The following LRP12 variants were observed in gnomAD, a reference collection of about 807,000 sequenced individuals.
LRP12 encodes the protein LDL receptor related protein 12.
LRP12 carries 14 observed loss-of-function variants against 66.0 expected under a neutral mutation model. The observed-to-expected ratio is 0.21, with a 90% CI of 0.14 to 0.33. LRP12 has a LOEUF of 0.33. Among genes scored for constraint, LRP12 ranks in the 10% least tolerant of loss-of-function variants. The probability of loss-of-function intolerance (pLI) is 1.00; values close to 1 mark genes in which losing one functional copy is unlikely to be tolerated. For synonymous variants in LRP12, 357 were observed against 359.1 expected, an observed-to-expected ratio of 0.99 and a Z score of 0.07; for missense variants, 889 against 1,053.4, an observed-to-expected ratio of 0.84 and a Z score of 2.16.
At chr8:104,524,908 G>C (rs1811207419) in intron 2 of LRP12, among the ~76,000 whole-genome samples, 1 of 151,996 alleles carries the variant, frequency 6.6e-6, no homozygotes, top group Non-Finnish European at 1.5e-5. Context: ...GTTTAAAGTA[G>C]ATATATTTTA....
At chr8:104,587,181 A>G (rs1812346957) in intron 1 of LRP12, among the ~76,000 whole-genome samples, 1 of 152,208 alleles carries the variant, frequency 6.6e-6, no homozygotes, top group Admixed American at 6.5e-5. Context: ...CTGATCGGAC[A>G]TCACAGAAAT....
chr8:104,534,068 C>CAA (rs35546158), intron 1 of LRP12, among the ~76,000 whole-genome samples: 12,714 of 135,736 alleles, frequency 0.094, 643 homozygotes, highest in African/African-American at 0.14. Flanking sequence ...TTTATAATAG[C>CAA]AAAAAAAAAA....
In LRP12 at chr8:104,497,994, A is replaced by G. The variant is rs1357715653; in HGVS notation, c.558T>C (p.Asn186=). ...AACTATCTCCACATTCATCCATGTT[A>G]TTACATTTCCAGGCTTCTGGTATAC... ...GKCIPEAWKC[N]NMDECGDSSD... is the part of the protein sequence containing the mutation. Residue 186 remains asparagine, a synonymous_variant, in exon 5 of 7, where the codon AAT becomes AAC. Coordinates refer to ENST00000276654, the MANE Select transcript of LRP12 (RefSeq NM_013437.5). This position sits in a 1 kb window ranked among gnomAD's most constrained non-coding sequence, Gnocchi z 4.3. The G allele has an allele frequency of 3.7e-6, 6 of 1,614,206 alleles. No homozygotes were observed. Among genetic ancestry groups the G allele is most frequent in the Non-Finnish European group, 4.2e-6 (5 of 1,180,024 alleles).
In LRP12 at chr8:104,509,185, C is replaced by A. The variant is rs1810956386; in HGVS notation, c.137-111G>T. ...AAAACTTTACACATCAAATAATAACCAATAAGATATGGTAGTATCAACTTT... is the reference window on the plus strand; with the variant it reads ...AAAACTTTACACATCAAATAATAACAAATAAGATATGGTAGTATCAACTTT... On this transcript the variant is annotated intron_variant, in intron 2 of 6. Coordinates refer to ENST00000276654, the MANE Select transcript of LRP12 (RefSeq NM_013437.5). 2.0e-5 allele frequency: 17 copies of A among 840,850 alleles called. No individual in the cohort carries two copies. In the South Asian group the frequency reaches 3.1e-4, roughly 15 times the overall value. 52.1% of individuals were successfully genotyped at this position (840,850 alleles called of 1,614,324 possible).
chr8:104,536,419 T>C (rs1010837915), intron 1 of LRP12, among the ~76,000 whole-genome samples: 8 of 151,984 alleles, frequency 5.3e-5, no homozygotes, highest in African/African-American at 1.9e-4. Flanking sequence ...CTATATTCCT[T>C]ACTAGATCTT....
At chr8:104,493,830 A>G (rs1412079592) in intron 6 of LRP12, among the ~76,000 whole-genome samples, 5 of 152,214 alleles carry the variant, frequency 3.3e-5, no homozygotes. Flanking sequence ...TCCTGCCTCT[A>G]TGGGGAAAGG....
intron 1 of LRP12, among the ~76,000 whole-genome samples, chr8:104,546,922 ATAAT>A (rs1811570204): frequency 6.9e-6 from 1 of 144,744 alleles, no homozygotes; most frequent in South Asian, 2.1e-4. Flanking sequence ...ATAATTATAT[ATAAT>A]TATATATTAT....
intron 2 of LRP12, among the ~76,000 whole-genome samples, chr8:104,518,931 T>A (rs7813227): frequency 0.031 from 4,658 of 152,036 alleles, 239 homozygotes; most frequent in African/African-American, 0.11. Context: ...AAAGCATGCA[T>A]GTTCAGCATA....
At chr8:104,565,676 C>T (rs1382269034) in intron 1 of LRP12, among the ~76,000 whole-genome samples, 1 of 151,876 alleles carries the variant, frequency 6.6e-6, no homozygotes, top group African/African-American at 2.4e-5. Context: ...CTGGCTAACA[C>T]GGTGAAACTC....
chr8:104,500,295 A>G (rs574081607), intron 3 of LRP12, among the ~76,000 whole-genome samples: 1 of 152,368 alleles, frequency 6.6e-6, no homozygotes, highest in African/African-American at 2.4e-5. Flanking sequence ...AGTGATAATA[A>G]AGTTAATTAC....
chr8:104,536,200 T>C (rs1811390963), intron 1 of LRP12, among the ~76,000 whole-genome samples: 1 of 152,072 alleles, frequency 6.6e-6, no homozygotes, highest in Admixed American at 6.6e-5. Flanking sequence ...ACTTTCCCAT[T>C]CTATCTCTTC....
At position 104,499,536 on chromosome 8, in the gene LRP12, A is replaced by C; in HGVS notation, c.273-17T>G. On this transcript the variant is annotated splice_polypyrimidine_tract_variant and intron_variant, in intron 3 of 6. Transcript: ENST00000276654. ...TCCTGAAAACTGAAAAAAAAATCAG[A>C]AATGTCTATTAAAAAGTCAATTTTG... 1 of 1,567,500 alleles carries C rather than the reference A, an allele frequency of 6.4e-7. No individual in the cohort carries two copies.
intron 1 of LRP12, among the ~76,000 whole-genome samples, chr8:104,548,353 A>C (rs1479328556): frequency 6.1e-5 from 3 of 49,150 alleles, no homozygotes; most frequent in Admixed American, 3.2e-4. Context: ...ATAAATATAT[A>C]ATATATATTA....
At chr8:104,570,360 G>A (rs375068109) in intron 1 of LRP12, among the ~76,000 whole-genome samples, 87 of 152,202 alleles carry the variant, frequency 5.7e-4, no homozygotes, top group African/African-American at 1.9e-3. Context: ...GATTGCATAC[G>A]CTACCCAATT....
Position 104,497,376 on chromosome 8 carries a change from C to CTG in LRP12, c.1174_1175dup (p.Gln392HisfsTer97). The CTG allele has an allele frequency of 6.2e-7, 1 of 1,613,972 alleles. No homozygotes were observed. The highest frequency in any genetic ancestry group is 8.5e-7 in the Non-Finnish European group (1 of 1,179,934). On this transcript the variant is annotated frameshift_variant, in exon 5 of 7. Coordinates refer to ENST00000276654, the MANE Select transcript of LRP12 (RefSeq NM_013437.5). LOFTEE classifies it high-confidence loss of function. The surrounding 1 kb of genome is among the most constrained non-coding windows in gnomAD (Gnocchi z 4.3). Reference sequence around the variant, plus strand: ...AATGCCAATACCCATCACAACGCTGCTGCTCAGTATAACACCCCCAGTTAC... The same window carrying CTG: ...AATGCCAATACCCATCACAACGCTGCTGTGCTCAGTATAACACCCCCAGTTAC...
At position 104,536,443 on chromosome 8, in the gene LRP12, G is replaced by C. The variant is rs1164233186; in HGVS notation, c.80-4480C>G. On this transcript the variant is annotated intron_variant, in intron 1 of 6. Transcript: ENST00000276654. ...TTACTAGATCTTAATTTTGGGGTGGGGGGAGTATTCTGATGGGACACAGCA... is the reference window on the plus strand; with the variant it reads ...TTACTAGATCTTAATTTTGGGGTGGCGGGAGTATTCTGATGGGACACAGCA... Among the ~76,000 whole-genome samples the C allele has an allele frequency of 2.6e-5, 4 of 151,960 alleles. No homozygotes were observed. The East Asian group carries it at 7.7e-4, about 29-fold the overall frequency.
At chr8:104,547,293 A>G (rs1811587773) in intron 1 of LRP12, among the ~76,000 whole-genome samples, 2 of 134,070 alleles carry the variant, frequency 1.5e-5, no homozygotes, top group Non-Finnish European at 3.1e-5. Flanking sequence ...CTGTTATATC[A>G]TATTTTGTAT....
chr8:104,495,275 T>C, intron 5 of LRP12, 66 bp from the exon 6 acceptor site: 1 of 1,471,036 alleles, frequency 6.8e-7, no homozygotes. Flanking sequence ...AATTTTCTAT[T>C]ATCAGTAATT....
chr8:104,502,971 G>A (rs1348667821), intron 3 of LRP12, among the ~76,000 whole-genome samples: 1 of 152,002 alleles, frequency 6.6e-6, no homozygotes, highest in Non-Finnish European at 1.5e-5. Context: ...GATCACCTGA[G>A]GTCAGAAGTT....
Sources: gnomAD v4.1 joint callset for allele counts (sites outside exome capture counted in the v4.1 genomes callset) on GRCh38, gnomAD v4.1.1 for gene constraint, Gnocchi (gnomAD v3.1) non-coding constraint, MANE v1.5 for transcripts, NCBI Gene and HGNC (gene_info 2026-07-23, HGNC 2026-07-21) for gene names.